ARHGAP17: variants seen among roughly 807,000 people sequenced by gnomAD.
ARHGAP17 encodes Rho GTPase activating protein 17.
Under a neutral mutation model 99.5 loss-of-function variants are expected in ARHGAP17, and 57 were observed. The ratio of observed to expected loss-of-function variants is 0.57; its 90% CI spans 0.46 to 0.71. The LOEUF (loss-of-function observed/expected upper bound fraction) is 0.71, where lower values mean the gene tolerates loss of function less well. Ranked by LOEUF, ARHGAP17 falls within the 30% of genes least tolerant of loss-of-function variation. The pLI is 0.00. For synonymous variants in ARHGAP17, 417 were observed against 429.6 expected (o/e 0.97, Z 0.36); for missense variants, 1,000 against 1,122.4 (o/e 0.89, Z 1.56).
intron 1 of ARHGAP17, among the ~76,000 whole-genome samples, chr16:24,988,684 C>G (rs1232884838): frequency 6.6e-6 from 1 of 152,184 alleles, no homozygotes; most frequent in African/African-American, 2.4e-5. Context: ...CTTACCCACG[C>G]AGCGTTTTGT....
intron 1 of ARHGAP17, among the ~76,000 whole-genome samples, chr16:25,009,572 A>C (rs1196949781): frequency 6.6e-6 from 1 of 152,206 alleles, no homozygotes; most frequent in African/African-American, 2.4e-5. Flanking sequence ...TTCTGGGATC[A>C]GTAGGTAGAG....
intron 1 of ARHGAP17, among the ~76,000 whole-genome samples, chr16:24,997,512 G>A (rs1214042941): frequency 6.6e-6 from 1 of 152,244 alleles, no homozygotes; most frequent in Non-Finnish European, 1.5e-5. Context: ...GCTGCAGTGT[G>A]GAATATGTGA....
intron 15 of ARHGAP17, among the ~76,000 whole-genome samples, chr16:24,942,537 C>G (rs2051343426): frequency 6.6e-6 from 1 of 152,092 alleles, no homozygotes; most frequent in South Asian, 2.1e-4. Context: ...GAGGCCAAGG[C>G]AGGCGGATCA....
chr16:24,974,168 C>T (rs984311348), intron 3 of ARHGAP17, among the ~76,000 whole-genome samples: 5 of 152,232 alleles, frequency 3.3e-5, no homozygotes, highest in African/African-American at 7.2e-5. Flanking sequence ...CGGAGGCTCA[C>T]GCCTATAACC....
At chr16:24,999,517 A>T (rs1239576186) in intron 1 of ARHGAP17, among the ~76,000 whole-genome samples, 1 of 152,020 alleles carries the variant, frequency 6.6e-6, no homozygotes, top group Non-Finnish European at 1.5e-5. Context: ...CTGGGCTCTA[A>T]GGATTCTTCT....
chr16:24,978,585 C>T (rs546868992), intron 2 of ARHGAP17, among the ~76,000 whole-genome samples: 1 of 152,150 alleles, frequency 6.6e-6, no homozygotes, highest in African/African-American at 2.4e-5. Context: ...ATATCTAGCA[C>T]TTACCACGTG....
Position 24,968,787 on chromosome 16 carries a change from C to A in ARHGAP17, c.273-15G>T. On this transcript the variant is annotated splice_polypyrimidine_tract_variant and intron_variant, in intron 4 of 19. Coordinates refer to ENST00000289968, the MANE Select transcript of ARHGAP17 (RefSeq NM_001006634.3). ...CCAGCATCTTCCTTTAAAAACAAGA[C>A]CCCCAACAACGAGCACGTGCTCATT... The A allele has an allele frequency of 1.2e-6, 2 of 1,613,028 alleles. No homozygotes were observed. Among genetic ancestry groups the A allele is most frequent in the Non-Finnish European group, 1.7e-6 (2 of 1,179,048 alleles).
At chr16:24,994,540 G>A (rs979467021) in intron 1 of ARHGAP17, among the ~76,000 whole-genome samples, 2 of 152,182 alleles carry the variant, frequency 1.3e-5, no homozygotes, top group South Asian at 2.1e-4. Context: ...TCCAGTGCAA[G>A]GACGGTTCCA....
chr16:25,001,937 C>T (rs1219054738), intron 1 of ARHGAP17, among the ~76,000 whole-genome samples: 1 of 151,932 alleles, frequency 6.6e-6, no homozygotes. Context: ...AAAAATTAGC[C>T]GGGCATGGTG....
chr16:24,971,783 A>C (rs2052371618), intron 3 of ARHGAP17, among the ~76,000 whole-genome samples: 1 of 152,218 alleles, frequency 6.6e-6, no homozygotes, highest in Non-Finnish European at 1.5e-5. Context: ...ATGACCACAG[A>C]ATCACCTGAT....
chr16:24,956,618 G>A (rs1294619765), intron 9 of ARHGAP17: 1 of 152,234 alleles, frequency 6.6e-6, no homozygotes. Flanking sequence ...CACAAATCCT[G>A]CTGGGAGTGC....
chr16:24,931,190 G>A lies in ARHGAP17; in HGVS notation c.2109C>T (p.Ser703=). 1 of 1,586,296 alleles carries A rather than the reference G, an allele frequency of 6.3e-7. No homozygotes were observed. The highest frequency in any genetic ancestry group is 1.3e-5 in the African/African-American group (1 of 74,378). Residue 703 remains serine, a synonymous_variant, in exon 19 of 20, where the codon AGC becomes AGT. Transcript: ENST00000289968. ...TGGGAGCTTGGATTGGAGACAAGCT[G>A]CTGGAGTACCTCCGGGGTGCTGAGA... ...SQLSAPRRYS[S]SLSPIQAPNH...
intron 17 of ARHGAP17, chr16:24,936,149 A>C (rs1212579665): frequency 1.2e-5 from 2 of 163,924 alleles, no homozygotes; most frequent in African/African-American, 4.8e-5. Flanking sequence ...AACTAAGCAA[A>C]AGCCATGGCA....
chr16:25,007,529 G>A (rs150062679), intron 1 of ARHGAP17, among the ~76,000 whole-genome samples: 51 of 151,972 alleles, frequency 3.4e-4, no homozygotes, highest in African/African-American at 1.2e-3. Flanking sequence ...ACCATGCCTG[G>A]CTAAACTTTT....
At chr16:24,966,786 A>G (rs555689584) in intron 6 of ARHGAP17, among the ~76,000 whole-genome samples, 19 of 152,296 alleles carry the variant, frequency 1.2e-4, no homozygotes, top group African/African-American at 4.3e-4. Flanking sequence ...ACATGTACAC[A>G]TGACCAGGAG....
intron 1 of ARHGAP17, among the ~76,000 whole-genome samples, chr16:25,008,164 C>A (rs187906724): frequency 1.3e-5 from 2 of 152,302 alleles, no homozygotes; most frequent in East Asian, 3.9e-4. Flanking sequence ...ATCCCTATCA[C>A]CATTTTGTAA....
Position 24,978,948 on chromosome 16 carries a change from G to T in ARHGAP17, c.93+18C>A. 1 of 1,572,164 alleles carries T rather than the reference G, an allele frequency of 6.4e-7. No individual in the cohort carries two copies. The highest frequency in any genetic ancestry group is 8.6e-7 in the Non-Finnish European group (1 of 1,161,630). On this transcript the variant is annotated intron_variant, in intron 2 of 19. Coordinates refer to ENST00000289968, the MANE Select transcript of ARHGAP17 (RefSeq NM_001006634.3). ...CATCCTTTAAACAGATCATTTAAAG[G>T]AGACTATATTTTGTTACCTGTAATA...
At chr16:24,923,727 TAAA>T (rs1160793042) in intron 19 of ARHGAP17, among the ~76,000 whole-genome samples, 3,371 of 119,924 alleles carry the variant, frequency 0.028, 153 homozygotes, top group African/African-American at 0.1. Flanking sequence ...CTCTTTTTTT[TAAA>T]AAAAAAAAAA....
intron 3 of ARHGAP17, among the ~76,000 whole-genome samples, chr16:24,974,791 A>C (rs1479828661): frequency 2.0e-5 from 3 of 152,198 alleles, no homozygotes; most frequent in Admixed American, 2.0e-4. Flanking sequence ...GAGCAATTTA[A>C]AATATTCACA....
Sources: allele counts gnomAD v4.1 joint callset (sites outside exome capture counted in the v4.1 genomes callset), GRCh38; gene constraint gnomAD v4.1.1; transcripts MANE v1.5; gene names NCBI Gene and HGNC (gene_info 2026-07-23, HGNC 2026-07-21).